The following FYB1 variants were observed in gnomAD, a reference collection of about 807,000 sequenced individuals.
The protein encoded by FYB1 is FYN binding protein 1, also known as FYN-binding protein 1.
A neutral mutation model predicts 94.1 loss-of-function variants in FYB1; 41 were observed. The ratio of observed to expected loss-of-function variants is 0.44; its 90% CI spans 0.34 to 0.57. The LOEUF is 0.57. FYB1 is among the 20% of genes least tolerant of loss of function. FYB1 has a pLI of 0.02. For missense variants in FYB1, 1,050 were observed against 976.8 expected (o/e 1.07, Z -1.00); for synonymous variants, 367 against 353.2 (o/e 1.04, Z -0.44).
At chr5:39,170,555 C>T (rs138630234) in intron 2 of FYB1, among the ~76,000 whole-genome samples, 2 of 152,086 alleles carry the variant, frequency 1.3e-5, no homozygotes, top group African/African-American at 4.8e-5. Flanking sequence ...TTTCTTTCTC[C>T]TCCATTTGAC....
intron 1 of FYB1, chr5:39,270,754 T>G (rs762859200): frequency 2.1e-5 from 10 of 481,520 alleles, no homozygotes; most frequent in Non-Finnish European, 3.7e-5. Flanking sequence ...CTCAGAGCAT[T>G]TGTATAGCTG....
At chr5:39,251,510 A>G (rs1160872874) in intron 1 of FYB1, among the ~76,000 whole-genome samples, 2 of 152,186 alleles carry the variant, frequency 1.3e-5, no homozygotes, top group Non-Finnish European at 2.9e-5. Flanking sequence ...TTGACCTTAA[A>G]GCCATCCTGA....
upstream of FYB1, among the ~76,000 whole-genome samples, chr5:39,222,128 C>T (rs1750294104): frequency 6.6e-6 from 1 of 152,194 alleles, no homozygotes; most frequent in Non-Finnish European, 1.5e-5. Flanking sequence ...TTTCACCTGG[C>T]TAACTCCTGC....
intron 1 of FYB1, among the ~76,000 whole-genome samples, chr5:39,215,351 T>G (rs1375197578): frequency 6.6e-6 from 1 of 152,242 alleles, no homozygotes; most frequent in African/African-American, 2.4e-5. Flanking sequence ...TCTCACTGAC[T>G]ACTTTTTTTT....
intron 1 of FYB1, among the ~76,000 whole-genome samples, chr5:39,256,245 G>A (rs1394156041): frequency 1.3e-5 from 2 of 152,136 alleles, no homozygotes; most frequent in Non-Finnish European, 2.9e-5. Flanking sequence ...GAACCCAAAG[G>A]AGAAACCAGT....
chr5:39,162,411 G>C (rs534566050), intron 2 of FYB1, among the ~76,000 whole-genome samples: 1 of 152,264 alleles, frequency 6.6e-6, no homozygotes, highest in East Asian at 1.9e-4. Flanking sequence ...GGTAGGCTGG[G>C]TGCTGTGGCT....
chr5:39,112,930 A>G (rs1268141783), intron 16 of FYB1, among the ~76,000 whole-genome samples: 2 of 152,074 alleles, frequency 1.3e-5, no homozygotes, highest in African/African-American at 4.8e-5. Context: ...TGTATTAGGG[A>G]GATGGAGTGT....
chr5:39,170,502 T>G (rs527845257), intron 2 of FYB1, among the ~76,000 whole-genome samples: 8 of 152,200 alleles, frequency 5.3e-5, no homozygotes, highest in Admixed American at 1.3e-4. Context: ...ACATGAGAAT[T>G]CCCCATTAAT....
chr5:39,192,021 C>A (rs1445796886), intron 2 of FYB1, among the ~76,000 whole-genome samples: 1 of 152,120 alleles, frequency 6.6e-6, no homozygotes, highest in Non-Finnish European at 1.5e-5. Flanking sequence ...AAAGAAGAAG[C>A]CTTTAATGGC....
intron 16 of FYB1, among the ~76,000 whole-genome samples, chr5:39,118,637 G>A (rs1055882980): frequency 1.3e-5 from 2 of 152,100 alleles, no homozygotes; most frequent in Non-Finnish European, 2.9e-5. Flanking sequence ...CAGTAATTTG[G>A]CATTATCTTT....
At position 39,153,518 on chromosome 5, in the gene FYB1, C is replaced by G; in HGVS notation, c.1222G>C (p.Ala408Pro). Reference protein sequence around the residue: ...SHPASQPPLPASHPSQPPVPS... With the variant: ...SHPASQPPLPPSHPSQPPVPS... ...ACTGGTGGTTGTGATGGGTGAGATGCTGGCAATGGTGGTTGGCTGGCCGGA... is the reference window on the plus strand; with the variant it reads ...ACTGGTGGTTGTGATGGGTGAGATGGTGGCAATGGTGGTTGGCTGGCCGGA... The change falls in exon 3 of 19, where the codon GCA becomes CCA. Residue 408 changes from alanine (A) to proline (P), a missense_variant. Physicochemically the swap from Ala to Pro is conservative, Grantham distance 27. Coordinates refer to ENST00000512982, the MANE Select transcript of FYB1 (RefSeq NM_001465.6). 6.2e-7 allele frequency: 1 copy of G among 1,613,830 alleles called. No individual in the cohort carries two copies.
chr5:39,147,844 C>A (rs1024706059), intron 3 of FYB1, among the ~76,000 whole-genome samples: 4 of 151,506 alleles, frequency 2.6e-5, no homozygotes, highest in African/African-American at 9.7e-5. Flanking sequence ...CCACGCCCGG[C>A]TAATTTTTTG....
At chr5:39,129,535 G>C (rs181014022) in intron 10 of FYB1, among the ~76,000 whole-genome samples, 7 of 152,082 alleles carry the variant, frequency 4.6e-5, no homozygotes, top group African/African-American at 1.7e-4. Flanking sequence ...TGTTGAATGG[G>C]AGAAAATATT....
At chr5:39,121,948 A>G (rs940286827) in intron 14 of FYB1, among the ~76,000 whole-genome samples, 1 of 152,178 alleles carries the variant, frequency 6.6e-6, no homozygotes, top group African/African-American at 2.4e-5. Flanking sequence ...GGAAAACAGT[A>G]TGAATAAAGA....
At chr5:39,183,268 G>A (rs577456184) in intron 2 of FYB1, among the ~76,000 whole-genome samples, 4 of 152,234 alleles carry the variant, frequency 2.6e-5, no homozygotes, top group South Asian at 2.1e-4. Context: ...TTACAGGCAT[G>A]AGCCACCACT....
chr5:39,239,650 G>A (rs1751118188), intron 1 of FYB1, among the ~76,000 whole-genome samples: 1 of 152,082 alleles, frequency 6.6e-6, no homozygotes, highest in African/African-American at 2.4e-5. Flanking sequence ...ACTGCTCAAA[G>A]AAATCAGAGA....
chr5:39,206,978 G>C (rs1416282942), intron 1 of FYB1, among the ~76,000 whole-genome samples: 1 of 152,076 alleles, frequency 6.6e-6, no homozygotes, highest in Non-Finnish European at 1.5e-5. Flanking sequence ...GTCAATTCCA[G>C]TTGTTAGATA....
intron 1 of FYB1, among the ~76,000 whole-genome samples, chr5:39,207,815 C>A (rs1027195675): frequency 1.3e-5 from 2 of 152,108 alleles, no homozygotes; most frequent in Admixed American, 6.5e-5. Context: ...GGATGTTTAT[C>A]AATGTCTGGA....
chr5:39,247,065 C>A (rs844337), intron 1 of FYB1, among the ~76,000 whole-genome samples: 21,124 of 92,938 alleles, frequency 0.23, 4,730 homozygotes, highest in African/African-American at 0.55. Flanking sequence ...ACACAAAATG[C>A]GTGTTCATAT....
Sources: gnomAD v4.1 joint callset for allele counts (sites outside exome capture counted in the v4.1 genomes callset) on GRCh38, gnomAD v4.1.1 for gene constraint, MANE v1.5 for transcripts, NCBI Gene and HGNC (gene_info 2026-07-23, HGNC 2026-07-21) for gene names.